Variants in WWP2 observed in about 807,000 individuals in gnomAD.
WWP2 encodes the protein WW domain containing E3 ubiquitin protein ligase 2, also known as NEDD4-like E3 ubiquitin-protein ligase WWP2.
Under a neutral mutation model 121.0 loss-of-function variants are expected in WWP2, and 57 were observed. The observed-to-expected ratio is 0.47, with a 90% CI of 0.38 to 0.59. The LOEUF is 0.59. WWP2 is among the 20% of genes least tolerant of loss of function. The pLI is 0.00. For missense variants in WWP2, 962 were observed against 1,158.9 expected, an observed-to-expected ratio of 0.83 and a Z score of 2.47; for synonymous variants, 449 against 441.3, an observed-to-expected ratio of 1.02 and a Z score of -0.22.
At chr16:69,871,224 C>T (rs1056408794) in intron 6 of WWP2, among the ~76,000 whole-genome samples, 20 of 152,136 alleles carry the variant, frequency 1.3e-4, no homozygotes, top group Admixed American at 1.0e-3. Context: ...TTTGAGGCTG[C>T]AATGAGCTAT....
intron 9 of WWP2, chr16:69,909,290 T>C (rs2058346618): frequency 3.0e-5 from 30 of 989,034 alleles, no homozygotes; most frequent in Non-Finnish European, 3.6e-5. Flanking sequence ...TTTCCACATG[T>C]GTCTCCTGGT....
At chr16:69,805,311 C>T (rs1293066763) in intron 4 of WWP2, among the ~76,000 whole-genome samples, 3 of 152,102 alleles carry the variant, frequency 2.0e-5, no homozygotes, top group East Asian at 1.9e-4. Context: ...GCTGGGATTA[C>T]AGACGTGAGT....
At chr16:69,921,039 A>C (rs8043950) in intron 10 of WWP2, among the ~76,000 whole-genome samples, 14,560 of 152,128 alleles carry the variant, frequency 0.096, 2,313 homozygotes, top group African/African-American at 0.33. Flanking sequence ...AACACTAAAA[A>C]ATTCTTCTTT....
rs556170214 is a variant in WWP2, at chr16:69,815,644, G to A, written c.340+16349G>A. On this transcript the variant is annotated intron_variant, in intron 4 of 23. Coordinates refer to ENST00000359154, the MANE Select transcript of WWP2 (RefSeq NM_001270454.2). ...TCTACTAAAAATACACAAATTAGCCGGGTGTGGTGGCGGGTCCCTGTAGTC... is the reference window on the plus strand; with the variant it reads ...TCTACTAAAAATACACAAATTAGCCAGGTGTGGTGGCGGGTCCCTGTAGTC... Among the ~76,000 whole-genome samples the A allele has an allele frequency of 2.6e-5, 4 of 151,946 alleles. No homozygotes were observed. The South Asian group carries it at 6.3e-4, about 24-fold the overall frequency.
In WWP2 at chr16:69,940,239, G is replaced by A; in HGVS notation, c.*299G>A. 2.6e-6 allele frequency: 1 copy of A among 383,642 alleles called. No homozygotes were observed. The highest frequency in any genetic ancestry group is 5.1e-5 in the South Asian group (1 of 19,540). 23.8% of individuals were successfully genotyped at this position (383,642 alleles called of 1,614,324 possible). On this transcript the variant is annotated 3_prime_UTR_variant, in exon 24 of 24. Coordinates refer to ENST00000359154, the MANE Select transcript of WWP2 (RefSeq NM_001270454.2). ...CCCTGTCCTCTAGACCCCACCCTGGGTGTATGTGAGTGTGCAAGGGAAGGT... is the reference window on the plus strand; with the variant it reads ...CCCTGTCCTCTAGACCCCACCCTGGATGTATGTGAGTGTGCAAGGGAAGGT...
At chr16:69,789,744 T>A (rs979006480) in intron 2 of WWP2, among the ~76,000 whole-genome samples, 3 of 152,236 alleles carry the variant, frequency 2.0e-5, no homozygotes, top group East Asian at 1.9e-4. Flanking sequence ...GTCAGACTTT[T>A]AACTTTTGCC....
intron 21 of WWP2, among the ~76,000 whole-genome samples, chr16:69,938,054 G>A (rs968896841): frequency 8.6e-5 from 13 of 151,900 alleles, no homozygotes; most frequent in African/African-American, 1.2e-4. Flanking sequence ...TGTTGTTGTC[G>A]TTATGAAATA....
At chr16:69,857,903 C>A (rs907927966) in intron 6 of WWP2, among the ~76,000 whole-genome samples, 3 of 151,952 alleles carry the variant, frequency 2.0e-5, no homozygotes, top group African/African-American at 7.3e-5. Flanking sequence ...TTTCCTCAGC[C>A]TCCCAAAGTG....
At chr16:69,809,763 C>T (rs192780214) in intron 4 of WWP2, among the ~76,000 whole-genome samples, 5 of 148,314 alleles carry the variant, frequency 3.4e-5, no homozygotes, top group Admixed American at 6.8e-5. Flanking sequence ...AGTGAAACTC[C>T]GTCAGAAAGA....
At chr16:69,887,337 A>G (rs2057943125) in intron 7 of WWP2, among the ~76,000 whole-genome samples, 1 of 152,198 alleles carries the variant, frequency 6.6e-6, no homozygotes, top group Non-Finnish European at 1.5e-5. Flanking sequence ...CTAGCAAACA[A>G]ATGACAAATT....
rs922107285 is a variant in WWP2 at position 69,816,420 on chromosome 16, TA to T, written c.340+17134del. On this transcript the variant is annotated intron_variant, in intron 4 of 23. Transcript: ENST00000359154. Reference sequence around the variant, plus strand: ...AACATAACGAGACCCACCGCTCTATTAAAAAAAAATCTATATCTATAACTAT... The same window carrying T: ...AACATAACGAGACCCACCGCTCTATTAAAAAAAATCTATATCTATAACTAT... Among the ~76,000 whole-genome samples, 41 of 147,812 alleles carry T rather than the reference TA, an allele frequency of 2.8e-4. No individual in the cohort carries two copies. The South Asian group carries it at 7.4e-3, about 27-fold the overall frequency.
intron 3 of WWP2, 162 bp downstream of exon 3, chr16:69,798,991 A>G: frequency 6.7e-6 from 9 of 1,333,862 alleles, no homozygotes; most frequent in Non-Finnish European, 9.2e-6. Flanking sequence ...CATTGAGCTC[A>G]TAGAGCGTTC....
intron 6 of WWP2, among the ~76,000 whole-genome samples, chr16:69,870,899 A>G (rs1262984846): frequency 6.6e-6 from 1 of 152,172 alleles, no homozygotes; most frequent in East Asian, 1.9e-4. Context: ...GATGTCTGAT[A>G]GGTTTTCTGC....
At chr16:69,918,202 G>T (rs1334353010) in intron 10 of WWP2, among the ~76,000 whole-genome samples, 1 of 151,978 alleles carries the variant, frequency 6.6e-6, no homozygotes, top group Admixed American at 6.6e-5. Flanking sequence ...ACCCTGACTT[G>T]CTTTGACTTC....
At chr16:69,893,243 G>T (rs550640777) in intron 8 of WWP2, among the ~76,000 whole-genome samples, 1 of 152,320 alleles carries the variant, frequency 6.6e-6, no homozygotes. Context: ...TCTCACACCT[G>T]TCATTGCTTG....
At chr16:69,865,742 G>A (rs191987665) in intron 6 of WWP2, among the ~76,000 whole-genome samples, 158 of 152,306 alleles carry the variant, frequency 1.0e-3, no homozygotes, top group African/African-American at 3.6e-3. Context: ...CTTTGAGATG[G>A]ACACTTAATA....
chr16:69,819,885 T>C (rs2056561941), intron 4 of WWP2, among the ~76,000 whole-genome samples: 1 of 152,206 alleles, frequency 6.6e-6, no homozygotes, highest in Non-Finnish European at 1.5e-5. Flanking sequence ...CTCCAGCCCC[T>C]GGCAACCACG....
intron 8 of WWP2, among the ~76,000 whole-genome samples, chr16:69,896,055 G>T (rs953727825): frequency 1.3e-5 from 2 of 152,152 alleles, no homozygotes; most frequent in South Asian, 2.1e-4. Flanking sequence ...CGGAGGCTGG[G>T]CCATGAGATG....
Position 69,925,098 on chromosome 16 carries a change from C to T in WWP2, c.1180-332C>T, listed in dbSNP as rs1268195842. ...GAGGCACTGGGCCGAGCCTGCTTCC[C>T]GGGCCTTCCTACCATGCCAGGGCTG... is the stretch of plus-strand genomic sequence containing the variant. On this transcript the variant is annotated intron_variant, in intron 10 of 23. Coordinates refer to ENST00000359154, the MANE Select transcript of WWP2 (RefSeq NM_001270454.2). The surrounding 1 kb of genome is among the most constrained non-coding windows in gnomAD (Gnocchi z 4.0). The T allele has an allele frequency of 5.6e-6, 6 of 1,074,090 alleles. No individual in the cohort carries two copies. The highest frequency in any genetic ancestry group is 5.1e-5 in the Admixed American group (1 of 19,428). 66.5% of individuals were successfully genotyped at this position (1,074,090 alleles called of 1,614,324 possible). A position where few individuals can be genotyped will look rare whatever the true frequency, so the allele number is the denominator to read the frequency against.
Sources: gnomAD v4.1 joint callset for allele counts (sites outside exome capture counted in the v4.1 genomes callset) on GRCh38, gnomAD v4.1.1 for gene constraint, Gnocchi (gnomAD v3.1) non-coding constraint, MANE v1.5 for transcripts, NCBI Gene and HGNC (gene_info 2026-07-23, HGNC 2026-07-21) for gene names.